Variants in CTDSPL2 observed in about 807,000 individuals in gnomAD.
The protein encoded by CTDSPL2 is CTD small phosphatase-like protein 2.
Under a neutral mutation model 60.0 loss-of-function variants are expected in CTDSPL2, and 5 were observed. The observed-to-expected ratio is 0.08, with a 90% confidence interval of 0.04 to 0.18. The LOEUF is 0.18. Among genes scored for constraint, CTDSPL2 ranks in the 10% least tolerant of loss-of-function variants. The pLI is 1.00. For synonymous variants in CTDSPL2, 186 were observed against 189.3 expected (o/e 0.98, Z 0.14); for missense variants, 370 against 548.8 (o/e 0.67, Z 3.26).
chr15:44,492,493 T>C (rs549784326), intron 5 of CTDSPL2, among the ~76,000 whole-genome samples: 63 of 152,360 alleles, frequency 4.1e-4, no homozygotes, highest in Non-Finnish European at 6.3e-4. Context: ...TTGTGACTTA[T>C]GATGGGTTTA....
At chr15:44,432,857 G>T (rs1206647123) in intron 1 of CTDSPL2, among the ~76,000 whole-genome samples, 2 of 151,698 alleles carry the variant, frequency 1.3e-5, no homozygotes, top group African/African-American at 4.8e-5. Flanking sequence ...CTGACCTCAG[G>T]ATGATCCACC....
At chr15:44,428,847 G>A (rs961696115) in intron 1 of CTDSPL2, among the ~76,000 whole-genome samples, 3 of 152,190 alleles carry the variant, frequency 2.0e-5, no homozygotes, top group East Asian at 1.9e-4. Context: ...GCGTGTTAAA[G>A]CTAGTTTTAC....
intron 1 of CTDSPL2, among the ~76,000 whole-genome samples, chr15:44,437,218 G>T (rs1051704886): frequency 1.3e-5 from 2 of 152,172 alleles, no homozygotes; most frequent in South Asian, 2.1e-4. Context: ...TAGTAGGGAT[G>T]CTCAAGCTGT....
At chr15:44,516,460 T>C (rs909719088) in intron 10 of CTDSPL2, among the ~76,000 whole-genome samples, 5 of 152,336 alleles carry the variant, frequency 3.3e-5, no homozygotes, top group Admixed American at 2.6e-4. Flanking sequence ...TTTTTTAATC[T>C]AAAGGGTCAA....
chr15:44,514,369 T>TA (rs1238176237), intron 8 of CTDSPL2, among the ~76,000 whole-genome samples: 1 of 152,352 alleles, frequency 6.6e-6, no homozygotes, highest in East Asian at 1.9e-4. Flanking sequence ...CTGCTATTAG[T>TA]AAAAATGACT....
chr15:44,492,564 A>C (rs1397740702), intron 5 of CTDSPL2, among the ~76,000 whole-genome samples: 1 of 152,210 alleles, frequency 6.6e-6, no homozygotes, highest in Admixed American at 6.5e-5. Context: ...TATAAAAAGG[A>C]AACTTTTAAA....
rs371297875 is a variant in CTDSPL2, at chr15:44,518,923, A to C, written c.1113-246A>C. On this transcript the variant is annotated intron_variant, in intron 10 of 12. Coordinates refer to ENST00000260327, the MANE Select transcript of CTDSPL2 (RefSeq NM_016396.3). ...AATCCCCCTTTATAATTTAATAATA[A>C]CATTTTGGGATAAACTCAAGTTCTT... 35 of 249,522 alleles carry C rather than the reference A, an allele frequency of 1.4e-4. 1 individual carries two copies. In the East Asian group the frequency reaches 1.6e-3, roughly 11 times the overall value. 15.5% of individuals were successfully genotyped at this position (249,522 alleles called of 1,614,324 possible). A position where few individuals can be genotyped will look rare whatever the true frequency, so the allele number is the denominator to read the frequency against.
In CTDSPL2 at chr15:44,524,279, C is replaced by T. The variant is rs867829580; in HGVS notation, c.*105C>T. 5 of 840,418 alleles carry T rather than the reference C, an allele frequency of 5.9e-6. No homozygotes were observed. Among genetic ancestry groups the T allele is most frequent in the African/African-American group, 3.4e-5 (2 of 59,044 alleles). The allele number at this position is 840,418 out of a possible 1,614,324, so 52.1% of individuals were successfully genotyped here. On this transcript the variant is annotated 3_prime_UTR_variant, in exon 13 of 13. Transcript: ENST00000260327. ...GTTGAAATTTTGCATTTTTGTACCC[C>T]GTCTTGCTTTTCTTATCTTTGGTGC... is the stretch of plus-strand genomic sequence containing the variant.
chr15:44,484,195 G>A (rs768546379), intron 2 of CTDSPL2, 29 bp from the exon 3 acceptor site: 1 of 1,572,728 alleles, frequency 6.4e-7, no homozygotes, highest in Non-Finnish European at 8.6e-7. Flanking sequence ...ATTGTGCTTA[G>A]TGTGTTTTTT....
At chr15:44,497,779 T>C (rs2081325881) in intron 7 of CTDSPL2, among the ~76,000 whole-genome samples, 1 of 152,080 alleles carries the variant, frequency 6.6e-6, no homozygotes, top group South Asian at 2.1e-4. Context: ...GGCCGATCAC[T>C]TGAAGCCAGG....
chr15:44,432,358 C>G (rs956577917), intron 1 of CTDSPL2, among the ~76,000 whole-genome samples: 1 of 151,736 alleles, frequency 6.6e-6, no homozygotes, highest in African/African-American at 2.4e-5. Flanking sequence ...CTTGCTCTGT[C>G]GCCCAGGCTG....
At chr15:44,479,190 C>T (rs1324712734) in intron 2 of CTDSPL2, among the ~76,000 whole-genome samples, 1 of 151,896 alleles carries the variant, frequency 6.6e-6, no homozygotes, top group Non-Finnish European at 1.5e-5. Flanking sequence ...AATTTGAGAC[C>T]AGTTTGGGCA....
intron 2 of CTDSPL2, among the ~76,000 whole-genome samples, chr15:44,459,547 T>C (rs556811248): frequency 6.6e-6 from 1 of 152,170 alleles, no homozygotes; most frequent in South Asian, 2.1e-4. Flanking sequence ...GTGACAATTA[T>C]GATATTTTCT....
chr15:44,508,268 G>A (rs1567100070), intron 8 of CTDSPL2, among the ~76,000 whole-genome samples: 1 of 151,714 alleles, frequency 6.6e-6, no homozygotes, highest in South Asian at 2.1e-4. Flanking sequence ...TTTTTTTGTA[G>A]AGACAGGGTT....
At chr15:44,429,631 G>T (rs2079816944) in intron 1 of CTDSPL2, among the ~76,000 whole-genome samples, 1 of 152,196 alleles carries the variant, frequency 6.6e-6, no homozygotes, top group South Asian at 2.1e-4. Flanking sequence ...ACTTTGGGAG[G>T]CCAAGGCAGG....
At chr15:44,467,635 G>A (rs868703915) in intron 2 of CTDSPL2, among the ~76,000 whole-genome samples, 2 of 152,024 alleles carry the variant, frequency 1.3e-5, no homozygotes, top group African/African-American at 4.8e-5. Flanking sequence ...GTACAGTGGT[G>A]CGATCTCAGC....
intron 2 of CTDSPL2, among the ~76,000 whole-genome samples, chr15:44,480,608 G>T (rs1446088283): frequency 1.3e-5 from 2 of 152,110 alleles, no homozygotes; most frequent in Non-Finnish European, 2.9e-5. Flanking sequence ...TGAGGTGGAA[G>T]GATAGCTTGA....
chr15:44,489,520 G>A (rs1222445583), intron 4 of CTDSPL2, among the ~76,000 whole-genome samples: 1 of 152,180 alleles, frequency 6.6e-6, no homozygotes, highest in East Asian at 1.9e-4. Flanking sequence ...GTTGTGCTAA[G>A]TGGTTAATAC....
intron 2 of CTDSPL2, among the ~76,000 whole-genome samples, chr15:44,461,571 C>G (rs74917482): frequency 6.8e-6 from 1 of 147,988 alleles, no homozygotes; most frequent in Non-Finnish European, 1.5e-5. Context: ...AAGTTTCTCT[C>G]CCTTTTTTTT....
Sources: allele counts gnomAD v4.1 joint callset (sites outside exome capture counted in the v4.1 genomes callset), GRCh38; gene constraint gnomAD v4.1.1; transcripts MANE v1.5; gene names NCBI Gene and HGNC (gene_info 2026-07-23, HGNC 2026-07-21).